ARR3: variants seen among roughly 807,000 people sequenced by gnomAD.
ARR3 encodes arrestin 3.
In ARR3, 14 loss-of-function variants were observed where a neutral mutation model predicts 35.4. That is an observed-to-expected ratio of 0.40 (90% CI 0.26 to 0.62). ARR3 has a LOEUF of 0.62. Ranked by LOEUF, ARR3 falls within the 20% of genes least tolerant of loss-of-function variation. The pLI, the probability that ARR3 is intolerant of heterozygous loss-of-function variation, is 0.46. For missense variants in ARR3, 259 were observed against 303.8 expected, an observed-to-expected ratio of 0.85 and a Z score of 1.10; for synonymous variants, 97 against 119.1, an observed-to-expected ratio of 0.81 and a Z score of 1.21.
At chrX:70,279,352 A>T (rs2085668914) in intron 12 of ARR3, among the ~76,000 whole-genome samples, 1 of 112,576 alleles carries the variant, frequency 8.9e-6, no homozygotes, top group African/African-American at 3.2e-5. Flanking sequence ...TTTTCAATCA[A>T]GTAGCTATAG....
chrX:70,277,113 T>C (rs1245182424), intron 8 of ARR3, among the ~76,000 whole-genome samples: 3 of 112,926 alleles, frequency 2.7e-5, no homozygotes, highest in Middle Eastern at 4.6e-3. Context: ...TGTCACAAAA[T>C]AGCATTGTTC....
chrX:70,269,509 A>G (rs1022006161), intron 2 of ARR3, 116 bp downstream of exon 2: 3 of 963,339 alleles, frequency 3.1e-6, no homozygotes, highest in African/African-American at 2.0e-5. Context: ...CTTGGATTCT[A>G]CCCCAATTAT....
chrX:70,279,116 A>G (rs1197963183), intron 12 of ARR3, among the ~76,000 whole-genome samples: 1 of 112,598 alleles, frequency 8.9e-6, no homozygotes, highest in African/African-American at 3.2e-5. Flanking sequence ...TGATCTCTAC[A>G]GAAGCTACTC....
At chrX:70,276,847 C>T in intron 8 of ARR3, 111 bp downstream of exon 8, 1 of 667,023 alleles carries the variant, frequency 1.5e-6, no homozygotes, top group South Asian at 2.8e-5. Context: ...CTCATCGCCA[C>T]CAGTGACACC....
At chrX:70,281,592 C>A in intron 16 of ARR3, 84 bp from the exon 17 acceptor site, 1 of 845,202 alleles carries the variant, frequency 1.2e-6, no homozygotes, top group Non-Finnish European at 1.7e-6. Context: ...GATCACTTTT[C>A]TGGGATCAGG....
chrX:70,269,264 C>A, intron 1 of ARR3, 92 bp from the exon 2 acceptor site: 1 of 936,164 alleles, frequency 1.1e-6, no homozygotes, highest in Non-Finnish European at 1.4e-6. Context: ...GGAAAGGTTA[C>A]ATCACACTAG....
At chrX:70,276,643 C>T in intron 7 of ARR3, 26 bp from the exon 8 acceptor site, 2 of 1,204,027 alleles carry the variant, frequency 1.7e-6, no homozygotes, top group East Asian at 3.0e-5. Flanking sequence ...TGGAAATGAG[C>T]TCTCTTTGCC....
chrX:70,273,365 G>A (rs1215937316), intron 5 of ARR3, among the ~76,000 whole-genome samples: 1 of 109,107 alleles, frequency 9.2e-6, no homozygotes, highest in Admixed American at 9.8e-5. Flanking sequence ...AGGATTACAG[G>A]TGCCCACCAC....
At position 70,277,532 on chromosome X, in the gene ARR3, T is replaced by C; in HGVS notation, c.609+3T>C. On this transcript the variant is annotated splice_donor_region_variant and intron_variant, in intron 9 of 16. Coordinates refer to ENST00000307959, the MANE Select transcript of ARR3 (RefSeq NM_004312.3). ...TCCAGGCCTGGATGGACAGGGAGGT[T>C]TGTGACCCCCACTTTTTGCCTCCCA... is the stretch of plus-strand genomic sequence containing the variant. 8.3e-7 allele frequency: 1 copy of C among 1,207,835 alleles called. No individual in the cohort carries two copies. Among genetic ancestry groups the C allele is most frequent in the Non-Finnish European group, 1.1e-6 (1 of 893,936 alleles).
At chrX:70,275,659 C>CTTTTT (rs35378424) in intron 5 of ARR3, among the ~76,000 whole-genome samples, 3 of 42,034 alleles carry the variant, frequency 7.1e-5, no homozygotes, top group African/African-American at 9.6e-5. Context: ...AGCCTTCAAT[C>CTTTTT]TTTTTTTTTT....
At chrX:70,277,858 A>G in intron 10 of ARR3, 58 bp downstream of exon 10, 2 of 1,060,687 alleles carry the variant, frequency 1.9e-6, no homozygotes, top group Admixed American at 2.4e-5. Flanking sequence ...TCTTTTCCCA[A>G]AATTCTATCT....
At chrX:70,281,396 T>C (rs924619938) in intron 16 of ARR3, among the ~76,000 whole-genome samples, 1 of 110,117 alleles carries the variant, frequency 9.1e-6, no homozygotes, top group African/African-American at 3.3e-5. Context: ...CTTACTTCTT[T>C]CGTCTTTCAT....
Position 70,276,242 on chromosome X carries a change from G to A in ARR3, c.306G>A (p.Leu102=), listed in dbSNP as rs775517765. ...GPLTVLQERL[L]HKLGDNAYPF... ...TCACAGTCCTACAGGAGCGACTACT[G>A]CACAAGCTAGGGGACAATGCCTACC... Residue 102 remains leucine, a synonymous_variant, in exon 6 of 17, where the codon CTG becomes CTA. Transcript: ENST00000307959. 5.0e-6 allele frequency: 6 copies of A among 1,210,122 alleles called. No individual in the cohort carries two copies. The Admixed American group carries it at 8.7e-5, about 18-fold the overall frequency.
In ARR3 at chrX:70,269,670, A is replaced by T. The variant is rs1392787707; in HGVS notation, c.17A>T (p.Lys6Met). 13 of 1,206,543 alleles carry T rather than the reference A, an allele frequency of 1.1e-5. No individual in the cohort carries two copies. In the South Asian group the frequency reaches 2.1e-4, roughly 20 times the overall value. The change falls in exon 3 of 17, where the codon AAG (lysine) becomes ATG (methionine). Residue 6 changes from lysine to methionine, a missense_variant. Lys to Met is a moderately conservative substitution (Grantham distance 95). Transcript: ENST00000307959. ...TGGTTTTCTCCTCATAGGGTGTTTA[A>T]GAAGACCAGCTCCAATGGGAAGGTG... MSKVF[K>M]KTSSNGKLSI...
intron 5 of ARR3, among the ~76,000 whole-genome samples, chrX:70,271,648 A>C (rs995510897): frequency 4.1e-4 from 46 of 112,266 alleles, no homozygotes; most frequent in African/African-American, 1.4e-3. Context: ...GAGAAAAGTA[A>C]AAAATACCTA....
chrX:70,279,937 T>C (rs750095893), intron 12 of ARR3, among the ~76,000 whole-genome samples: 12 of 111,492 alleles, frequency 1.1e-4, no homozygotes, highest in Middle Eastern at 4.7e-3. Context: ...GCAAGGTTGT[T>C]AGGGGTCTTG....
intron 13 of ARR3, 50 bp downstream of exon 13, chrX:70,280,328 C>G (rs746969452): frequency 1.8e-6 from 2 of 1,114,307 alleles, no homozygotes; most frequent in African/African-American, 3.7e-5. Flanking sequence ...GAGTCAAGGG[C>G]TTTTCGCCTC....
chrX:70,280,723 T>G (rs1241529751), intron 14 of ARR3, 43 bp from the exon 15 acceptor site: 1 of 1,205,868 alleles, frequency 8.3e-7, no homozygotes, highest in Non-Finnish European at 1.1e-6. Flanking sequence ...GGGATTGGGC[T>G]TGTAGAGAGA....
chrX:70,275,305 T>C (rs915049045), intron 5 of ARR3, among the ~76,000 whole-genome samples: 1 of 112,474 alleles, frequency 8.9e-6, no homozygotes, highest in Non-Finnish European at 1.9e-5. Context: ...TGTGAAATCT[T>C]ATCTCGTTGT....
Sources: gnomAD v4.1 joint callset for allele counts (sites outside exome capture counted in the v4.1 genomes callset) on GRCh38, gnomAD v4.1.1 for gene constraint, MANE v1.5 for transcripts, NCBI Gene and HGNC (gene_info 2026-07-23, HGNC 2026-07-21) for gene names.